The following ZNF184 variants were observed in gnomAD, a reference collection of about 807,000 sequenced individuals.
ZNF184 encodes the protein zinc finger protein 184, also known as zinc finger protein 184 (Kruppel-like).
A neutral mutation model predicts 54.4 loss-of-function variants in ZNF184; 16 were observed. That is an observed-to-expected ratio of 0.29 (90% CI 0.20 to 0.45). The LOEUF (loss-of-function observed/expected upper bound fraction) is 0.45. ZNF184 is among the 20% of genes least tolerant of loss of function. The probability of loss-of-function intolerance (pLI) is 1.00; values close to 1 mark genes in which losing one functional copy is unlikely to be tolerated. For missense variants in ZNF184, 681 were observed against 888.2 expected (o/e 0.77, Z 2.97); for synonymous variants, 254 against 295.3 (o/e 0.86, Z 1.43).
At chr6:27,439,310 G>A in the ZNF184 span, among the ~76,000 whole-genome samples, 1 of 152,140 alleles carries the variant, frequency 6.6e-6, no homozygotes, top group African/African-American at 2.4e-5. Context: ...AATATTAAAA[G>A]GAAAATTCCA....
At chr6:27,439,334 T>C in the ZNF184 span, among the ~76,000 whole-genome samples, 1 of 152,186 alleles carries the variant, frequency 6.6e-6, no homozygotes, top group Non-Finnish European at 1.5e-5. Flanking sequence ...ATAAACAATT[T>C]GTAAATTTAA....
At position 27,464,126 on chromosome 6, in the gene ZNF184, G is replaced by A. The variant is rs933416455; in HGVS notation, c.75+3727C>T. 2.0e-5 allele frequency among the ~76,000 whole-genome samples: 3 copies of A among 152,172 alleles called. No individual in the cohort carries two copies. The East Asian group carries it at 5.8e-4, about 29-fold the overall frequency. On this transcript the variant is annotated intron_variant, in intron 3 of 5. Transcript: ENST00000683788. ...AAAAAGTTCCCTAACACTCTCAAAT[G>A]TTGCTCCTTGGGGAGCAAAATCACT...
At chr6:27,444,683 A>G in the ZNF184 span, among the ~76,000 whole-genome samples, 2 of 152,160 alleles carry the variant, frequency 1.3e-5, no homozygotes, top group South Asian at 2.1e-4. Flanking sequence ...GCCAAATCCA[A>G]TGTCAATTCT....
At chr6:27,445,712 C>CT in the ZNF184 span, among the ~76,000 whole-genome samples, 4 of 56,574 alleles carry the variant, frequency 7.1e-5, no homozygotes, top group African/African-American at 2.2e-4. Context: ...CTGTGGTATT[C>CT]TGTTATAGCA....
chr6:27,464,662 T>A (rs1213162037), intron 3 of ZNF184, among the ~76,000 whole-genome samples: 1 of 152,112 alleles, frequency 6.6e-6, no homozygotes, highest in Non-Finnish European at 1.5e-5. Flanking sequence ...ACATGTAAGA[T>A]CATACTGAAT....
the ZNF184 span, among the ~76,000 whole-genome samples, chr6:27,433,358 A>G: frequency 2.0e-5 from 3 of 152,250 alleles, no homozygotes; most frequent in African/African-American, 4.8e-5. Flanking sequence ...TAAAATATAC[A>G]TAACATAAAC....
chr6:27,450,286 T>G (rs1054153123), downstream of ZNF184, among the ~76,000 whole-genome samples: 6 of 152,182 alleles, frequency 3.9e-5, no homozygotes, highest in African/African-American at 1.2e-4. Flanking sequence ...GTTCTCCAGG[T>G]GTTATGGACT....
the ZNF184 span, among the ~76,000 whole-genome samples, chr6:27,429,178 A>G: frequency 4.6e-5 from 7 of 152,240 alleles, no homozygotes; most frequent in African/African-American, 9.6e-5. Context: ...TATTGTGGTT[A>G]TGAATGCACA....
At chr6:27,457,023 A>C in intron 4 of ZNF184, 102 bp from the exon 5 acceptor site, 1 of 1,125,030 alleles carries the variant, frequency 8.9e-7, no homozygotes, top group East Asian at 2.4e-5. Context: ...TATGTAGTAA[A>C]AACCTGATGG....
At chr6:27,458,800 G>C (rs1246508620) in intron 3 of ZNF184, among the ~76,000 whole-genome samples, 2 of 152,104 alleles carry the variant, frequency 1.3e-5, no homozygotes, top group African/African-American at 4.8e-5. Flanking sequence ...TGGCTTTACT[G>C]ACAACAGCTA....
At chr6:27,419,567 TA>T in the ZNF184 span, among the ~76,000 whole-genome samples, 5 of 152,114 alleles carry the variant, frequency 3.3e-5, no homozygotes, top group African/African-American at 1.2e-4. The surrounding 1 kb of genome is among the most constrained non-coding windows in gnomAD (Gnocchi z 4.8). Context: ...GATAGATAGA[TA>T]GATAGATTCA....
intron 5 of ZNF184, among the ~76,000 whole-genome samples, chr6:27,455,269 T>A (rs1762826636): frequency 6.6e-6 from 1 of 152,174 alleles, no homozygotes; most frequent in Admixed American, 6.5e-5. Flanking sequence ...GCTAAATATC[T>A]CAAGTGCTTG....
the ZNF184 span, among the ~76,000 whole-genome samples, chr6:27,433,976 T>C: frequency 2.2e-5 from 3 of 136,142 alleles, no homozygotes; most frequent in Non-Finnish European, 4.6e-5. Flanking sequence ...CTCCCTCCCT[T>C]CCTTCCTTCC....
chr6:27,414,385 C>T, the ZNF184 span, among the ~76,000 whole-genome samples: 2 of 152,212 alleles, frequency 1.3e-5, no homozygotes, highest in Admixed American at 6.5e-5. Context: ...TCCTCTCACT[C>T]ATAGTAAAAG....
At position 27,452,264 on chromosome 6, in the gene ZNF184, T is replaced by G. The variant is rs1762748278; in HGVS notation, c.1295A>C (p.Asn432Thr). 4.3e-6 allele frequency: 7 copies of G among 1,614,052 alleles called. No homozygotes were observed. The highest frequency in any genetic ancestry group is 5.9e-6 in the Non-Finnish European group (7 of 1,180,002). Residue 432 changes from asparagine (N) to threonine (T), a missense_variant, in exon 6 of 6, where the codon AAC (asparagine) becomes ACC (threonine). By Grantham distance (65) the Asn-to-Thr change is moderately conservative. Coordinates refer to ENST00000683788, the MANE Select transcript of ZNF184 (RefSeq NM_001318891.2). The surrounding 1 kb of genome is among the most constrained non-coding windows in gnomAD (Gnocchi z 5.5). ...ECGKAFSQHSNLTQHQKTHTG... is the reference protein window; with the variant it reads ...ECGKAFSQHSTLTQHQKTHTG... ...ATGAGTTTTTTGATGCTGAGTGAGG[T>G]TTGAGTGCTGGCTGAAGGCTTTCCC...
At chr6:27,422,148 A>AGAAAGAAAG in the ZNF184 span, among the ~76,000 whole-genome samples, 1 of 43,474 alleles carries the variant, frequency 2.3e-5, no homozygotes, top group East Asian at 7.9e-4. Flanking sequence ...CTCAAAAAAA[A>AGAAAGAAAG]AAAGAAAGAA....
the ZNF184 span, among the ~76,000 whole-genome samples, chr6:27,417,965 T>A: frequency 6.6e-6 from 1 of 152,158 alleles, no homozygotes; most frequent in Non-Finnish European, 1.5e-5. Flanking sequence ...CTAAACCAAG[T>A]TTCGTGGGCT....
At chr6:27,442,569 C>T in the ZNF184 span, among the ~76,000 whole-genome samples, 1 of 151,810 alleles carries the variant, frequency 6.6e-6, no homozygotes, top group African/African-American at 2.4e-5. Context: ...TGCACTCCAG[C>T]CTGGGCAACA....
chr6:27,441,127 C>G, the ZNF184 span, among the ~76,000 whole-genome samples: 1 of 152,168 alleles, frequency 6.6e-6, no homozygotes, highest in African/African-American at 2.4e-5. Context: ...GCTGACCACT[C>G]AGGATATAGC....
Sources: allele counts gnomAD v4.1 joint callset (sites outside exome capture counted in the v4.1 genomes callset), GRCh38; gene constraint gnomAD v4.1.1; non-coding constraint Gnocchi (gnomAD v3.1); transcripts MANE v1.5; gene names NCBI Gene and HGNC (gene_info 2026-07-23, HGNC 2026-07-21).